Variants in DOCK2 observed in about 807,000 individuals in gnomAD.
DOCK2 encodes the protein dedicator of cytokinesis protein 2.
Under a neutral mutation model 248.9 loss-of-function variants are expected in DOCK2, and 87 were observed. The ratio of observed to expected loss-of-function variants is 0.35; its 90% CI spans 0.29 to 0.42. The LOEUF (loss-of-function observed/expected upper bound fraction) is 0.42. Ranked by LOEUF, DOCK2 falls within the 10% of genes least tolerant of loss-of-function variation. The pLI is 1.00. For synonymous variants in DOCK2, 805 were observed against 821.6 expected (o/e 0.98, Z 0.35); for missense variants, 1,747 against 2,300.2 (o/e 0.76, Z 4.92).
chr5:169,710,661 A>G (rs1761530951), intron 15 of DOCK2, among the ~76,000 whole-genome samples: 12 of 152,198 alleles, frequency 7.9e-5, no homozygotes, highest in Admixed American at 7.8e-4. Context: ...CTCTGACTCC[A>G]AACACAAGAT....
chr5:169,658,339 G>T (rs1758238018), intron 2 of DOCK2, among the ~76,000 whole-genome samples: 1 of 151,804 alleles, frequency 6.6e-6, no homozygotes, highest in Non-Finnish European at 1.5e-5. Context: ...AATTAGCCGG[G>T]CGTGGTGGCA....
intron 27 of DOCK2, among the ~76,000 whole-genome samples, chr5:169,964,050 T>G (rs1777200247): frequency 6.6e-6 from 1 of 152,000 alleles, no homozygotes. Context: ...GGAGGAGAAT[T>G]AAAGAAAGGT....
At chr5:169,752,601 C>G (rs984044268) in intron 23 of DOCK2, among the ~76,000 whole-genome samples, 1 of 151,008 alleles carries the variant, frequency 6.6e-6, no homozygotes, top group African/African-American at 2.4e-5. Flanking sequence ...AAAAAATTAG[C>G]TAGGCATGGG....
At chr5:169,983,499 C>A (rs769362119) in intron 28 of DOCK2, among the ~76,000 whole-genome samples, 1 of 152,186 alleles carries the variant, frequency 6.6e-6, no homozygotes, top group Admixed American at 6.5e-5. Flanking sequence ...ATAGCTCTCA[C>A]GTAGTAAGTG....
chr5:169,719,567 G>A (rs890845883), intron 22 of DOCK2, among the ~76,000 whole-genome samples: 6 of 152,096 alleles, frequency 3.9e-5, no homozygotes, highest in South Asian at 2.1e-4. Flanking sequence ...GGGTGTAGTC[G>A]GCCTCAGGCA....
intron 22 of DOCK2, among the ~76,000 whole-genome samples, chr5:169,723,891 G>A (rs1762335802): frequency 6.6e-6 from 1 of 152,074 alleles, no homozygotes; most frequent in African/African-American, 2.4e-5. Flanking sequence ...ACCTTTGACT[G>A]TTTTGTACTC....
intron 30 of DOCK2, among the ~76,000 whole-genome samples, chr5:170,007,470 T>C (rs1755078057): frequency 6.6e-6 from 1 of 152,230 alleles, no homozygotes; most frequent in Non-Finnish European, 1.5e-5. Flanking sequence ...CTTACTGTGA[T>C]TCATGTCTTT....
intron 23 of DOCK2, among the ~76,000 whole-genome samples, chr5:169,750,798 G>T (rs535907022): frequency 1.3e-5 from 2 of 152,196 alleles, no homozygotes; most frequent in Non-Finnish European, 2.9e-5. Context: ...AGTTATCGAA[G>T]AAGAATTTAA....
chr5:169,732,124 A>G (rs1217514685), intron 22 of DOCK2, among the ~76,000 whole-genome samples: 4 of 152,166 alleles, frequency 2.6e-5, no homozygotes, highest in African/African-American at 9.7e-5. Flanking sequence ...ATCTTAAAAC[A>G]AAACAAAAAA....
At chr5:169,896,958 G>A (rs968377622) in intron 27 of DOCK2, among the ~76,000 whole-genome samples, 1 of 152,170 alleles carries the variant, frequency 6.6e-6, no homozygotes, top group Admixed American at 6.5e-5. Flanking sequence ...GTAAACCAAG[G>A]CAGAAAGGGA....
chr5:169,933,349 C>T (rs1775844695), intron 27 of DOCK2, among the ~76,000 whole-genome samples: 1 of 152,220 alleles, frequency 6.6e-6, no homozygotes, highest in African/African-American at 2.4e-5. Context: ...TGCCCCACCC[C>T]TAAGGATATG....
intron 26 of DOCK2, among the ~76,000 whole-genome samples, chr5:169,838,146 G>T (rs1174346278): frequency 1.3e-5 from 2 of 152,150 alleles, no homozygotes. Context: ...GTAGAAGTTG[G>T]TCCAATTGAA....
chr5:169,668,328 C>T (rs1758846930), intron 2 of DOCK2, among the ~76,000 whole-genome samples: 1 of 152,178 alleles, frequency 6.6e-6, no homozygotes, highest in Non-Finnish European at 1.5e-5. Flanking sequence ...CACTTTCTGT[C>T]ACTCAAAAAG....
intron 27 of DOCK2, among the ~76,000 whole-genome samples, chr5:169,907,442 G>A (rs1447897454): frequency 6.6e-6 from 1 of 152,188 alleles, no homozygotes; most frequent in Non-Finnish European, 1.5e-5. Context: ...CTCCTGCAGA[G>A]AAGCAGCTAA....
At chr5:169,961,911 G>A (rs568260668) in intron 27 of DOCK2, among the ~76,000 whole-genome samples, 18 of 141,748 alleles carry the variant, frequency 1.3e-4, no homozygotes, top group Non-Finnish European at 1.9e-4. Flanking sequence ...CCCAGGAGGC[G>A]GAGGTTGCAG....
chr5:169,651,185 T>C (rs1317927623), intron 1 of DOCK2, among the ~76,000 whole-genome samples: 1 of 152,210 alleles, frequency 6.6e-6, no homozygotes, highest in African/African-American at 2.4e-5. Flanking sequence ...GAATTGGGTA[T>C]TCATAGGCAA....
intron 27 of DOCK2, among the ~76,000 whole-genome samples, chr5:169,891,450 G>C (rs569125369): frequency 2.6e-5 from 4 of 152,218 alleles, no homozygotes; most frequent in African/African-American, 9.6e-5. Flanking sequence ...TTAGATCTTG[G>C]GTAGAATCTT....
intron 22 of DOCK2, among the ~76,000 whole-genome samples, chr5:169,727,290 T>C (rs1042978121): frequency 2.6e-5 from 4 of 152,182 alleles, no homozygotes; most frequent in Non-Finnish European, 5.9e-5. Context: ...GGTATTATGA[T>C]GTTCATTATA....
intron 22 of DOCK2, among the ~76,000 whole-genome samples, chr5:169,737,748 C>G (rs1019809164): frequency 6.6e-6 from 1 of 152,224 alleles, no homozygotes; most frequent in Non-Finnish European, 1.5e-5. Flanking sequence ...ACACGTGGCA[C>G]TTCCTGGAAG....
Sources: gnomAD v4.1 joint callset for allele counts (sites outside exome capture counted in the v4.1 genomes callset) on GRCh38, gnomAD v4.1.1 for gene constraint, MANE v1.5 for transcripts, NCBI Gene and HGNC (gene_info 2026-07-23, HGNC 2026-07-21) for gene names.